CIPC: variants seen among roughly 807,000 people sequenced by gnomAD.
The protein encoded by CIPC is CLOCK interacting pacemaker, also known as CLOCK-interacting pacemaker.
A neutral mutation model predicts 26.7 loss-of-function variants in CIPC; 12 were observed. The observed-to-expected ratio is 0.45, with a 90% CI of 0.29 to 0.73. CIPC has a LOEUF of 0.73. CIPC is among the 30% of genes least tolerant of loss of function. The pLI, the probability that CIPC is intolerant of heterozygous loss-of-function variation, is 0.12. For synonymous variants in CIPC, 170 were observed against 189.8 expected, an observed-to-expected ratio of 0.90 and a Z score of 0.86; for missense variants, 417 against 486.5, an observed-to-expected ratio of 0.86 and a Z score of 1.34.
At chr14:77,103,086 G>A (rs989657647) in intron 1 of CIPC, among the ~76,000 whole-genome samples, 1 of 152,224 alleles carries the variant, frequency 6.6e-6, no homozygotes, top group African/African-American at 2.4e-5. Context: ...GTGGAAGAGT[G>A]CTTGATTTGA....
chr14:77,112,745 C>T (rs1472486531), intron 3 of CIPC, among the ~76,000 whole-genome samples: 1 of 151,080 alleles, frequency 6.6e-6, no homozygotes, highest in Non-Finnish European at 1.5e-5. Context: ...AAGTCTTGCT[C>T]TGTCACTCAG....
chr14:77,107,632 A>C (rs969596943), intron 2 of CIPC, among the ~76,000 whole-genome samples: 1 of 37,844 alleles, frequency 2.6e-5, no homozygotes, highest in Admixed American at 5.0e-4. Flanking sequence ...CTCTTTACAC[A>C]CACACACACA....
rs1203220392 is a variant in CIPC at position 77,114,586 on chromosome 14, A to T, written c.*268A>T. On this transcript the variant is annotated 3_prime_UTR_variant, in exon 4 of 4. Transcript: ENST00000361786. ...TAGCCTGCAGGTGCTTCAATGGATC[A>T]TGGGGCAAAGCAGGAGATGATTGTG... 5.0e-6 allele frequency: 2 copies of T among 398,686 alleles called. No homozygotes were observed. The highest frequency in any genetic ancestry group is 4.1e-5 in the Admixed American group (1 of 24,586). 24.7% of individuals were successfully genotyped at this position (398,686 alleles called of 1,614,324 possible).
chr14:77,107,529 C>T (rs1422890728), intron 2 of CIPC, among the ~76,000 whole-genome samples: 2 of 152,092 alleles, frequency 1.3e-5, no homozygotes, highest in South Asian at 2.1e-4. Flanking sequence ...TTAATTACCA[C>T]ATTTGTAGTT....
chr14:77,113,410 C>G lies in CIPC; in HGVS notation c.307-15C>G. The G allele has an allele frequency of 6.2e-7, 1 of 1,613,740 alleles. No homozygotes were observed. Among genetic ancestry groups the G allele is most frequent in the Non-Finnish European group, 8.5e-7 (1 of 1,179,950 alleles). ...CAGTAATGAGTAGTGTGCTGCTCTC[C>G]TCCTTTGTCTTCAGGGCAGCAGCTC... is the stretch of plus-strand genomic sequence containing the variant. On this transcript the variant is annotated splice_polypyrimidine_tract_variant and intron_variant, in intron 3 of 3. Coordinates refer to ENST00000361786, the MANE Select transcript of CIPC (RefSeq NM_033426.3).
intron 1 of CIPC, chr14:77,099,248 A>T (rs1886426343): frequency 6.6e-6 from 1 of 152,302 alleles, no homozygotes; most frequent in African/African-American, 2.4e-5. Flanking sequence ...AGGGGATCGG[A>T]GAAAGTTCTC....
Position 77,114,171 on chromosome 14 carries a change from C to T in CIPC, c.1053C>T (p.Asp351=), listed in dbSNP as rs1031302627. Residue 351 remains aspartate (D), a synonymous_variant, in exon 4 of 4, where the codon GAC becomes GAT. Coordinates refer to ENST00000361786, the MANE Select transcript of CIPC (RefSeq NM_033426.3). ...ATCAGGCAACTCAGGTAGAACTAGA[C>T]CAGCTAAAGGAGCAAACCCAGCTGT... ...RQNQATQVEL[D]QLKEQTQLFI... is the part of the protein sequence containing the mutation. The T allele has an allele frequency of 6.2e-7, 1 of 1,614,020 alleles. No individual in the cohort carries two copies. Among genetic ancestry groups the T allele is most frequent in the Admixed American group, 1.7e-5 (1 of 60,004 alleles).
rs555049619 is a variant in CIPC at position 77,106,804 on chromosome 14, G to A, written c.136+960G>A. On this transcript the variant is annotated intron_variant, in intron 2 of 3. Transcript: ENST00000361786. ...TGAAAAGGCAAATTATAAATAGACC[G>A]TTGCTCAAAGAGGAACAGAGCGCCA... Among the ~76,000 whole-genome samples, 6 of 152,280 alleles carry A rather than the reference G, an allele frequency of 3.9e-5. No homozygotes were observed. In the South Asian group the frequency reaches 6.2e-4, roughly 16 times the overall value.
chr14:77,101,812 A>G (rs972680199), intron 1 of CIPC, among the ~76,000 whole-genome samples: 4 of 152,160 alleles, frequency 2.6e-5, no homozygotes, highest in Non-Finnish European at 4.4e-5. Context: ...CTGGCTGGGC[A>G]TGGTGGCTTA....
chr14:77,105,979 GT>G, intron 2 of CIPC, 135 bp downstream of exon 2: 1 of 1,005,502 alleles, frequency 9.9e-7, no homozygotes, highest in Non-Finnish European at 1.4e-6. Flanking sequence ...CTTTAAAATG[GT>G]AATTCTGATG....
In CIPC at chr14:77,114,081, A is replaced by G. The variant is rs143641412; in HGVS notation, c.963A>G (p.Leu321=). Residue 321 remains leucine, a synonymous_variant, in exon 4 of 4, where the codon CTA becomes CTG. Coordinates refer to ENST00000361786, the MANE Select transcript of CIPC (RefSeq NM_033426.3). ...QSKHRRFQNT[L]VVLHKSGLLE... ...AACATAGGCGCTTTCAGAATACCCTAGTAGTCCTACATAAATCTGGTTTGC... is the reference window on the plus strand; with the variant it reads ...AACATAGGCGCTTTCAGAATACCCTGGTAGTCCTACATAAATCTGGTTTGC... 6 of 1,614,058 alleles carry G rather than the reference A, an allele frequency of 3.7e-6. No homozygotes were observed. In the African/African-American group the frequency reaches 6.7e-5, roughly 18 times the overall value.
In CIPC at chr14:77,114,013, C is replaced by T; in HGVS notation, c.895C>T (p.Leu299Phe). 1.9e-6 allele frequency: 3 copies of T among 1,614,260 alleles called. No individual in the cohort carries two copies. Among genetic ancestry groups the T allele is most frequent in the Non-Finnish European group, 2.5e-6 (3 of 1,180,044 alleles). The change falls in exon 4 of 4, where the codon CTC becomes TTC. Residue 299 changes from leucine (L) to phenylalanine (F), a missense_variant. Physicochemically the swap from Leu to Phe is conservative, Grantham distance 22. Transcript: ENST00000361786. ...YSSPLWAAEH[L>F]CRSPDIFSEQ... ...CTCACCTTTATGGGCTGCAGAGCAC[C>T]TCTGCCGCAGCCCAGATATCTTTTC...
Position 77,113,249 on chromosome 14 carries a change from A to G in CIPC, c.307-176A>G, listed in dbSNP as rs1005366415. 3.4e-5 allele frequency: 24 copies of G among 708,120 alleles called. 1 individual carries two copies. The East Asian group carries it at 6.5e-4, about 19-fold the overall frequency. 43.9% of individuals were successfully genotyped at this position (708,120 alleles called of 1,614,324 possible). A position where few individuals can be genotyped will look rare whatever the true frequency, so the allele number is the denominator to read the frequency against. On this transcript the variant is annotated intron_variant, in intron 3 of 3. Transcript: ENST00000361786. Reference sequence around the variant, plus strand: ...TCCAGTTTTCCCTTAGAAAAAGTTTAAAAAGTATTTGTGATATCAGACACA... The same window carrying G: ...TCCAGTTTTCCCTTAGAAAAAGTTTGAAAAGTATTTGTGATATCAGACACA...
chr14:77,108,923 T>C (rs1886643444), intron 2 of CIPC, among the ~76,000 whole-genome samples: 1 of 152,202 alleles, frequency 6.6e-6, no homozygotes, highest in Non-Finnish European at 1.5e-5. Context: ...TTGTGTCTCG[T>C]TGACATGTCT....
At chr14:77,110,779 T>C (rs1291262347) in intron 3 of CIPC, among the ~76,000 whole-genome samples, 4 of 152,234 alleles carry the variant, frequency 2.6e-5, no homozygotes, top group African/African-American at 9.6e-5. Flanking sequence ...ATATCAGTTT[T>C]CATATGGGTC....
At chr14:77,101,922 C>T (rs772743677) in intron 1 of CIPC, among the ~76,000 whole-genome samples, 3 of 151,986 alleles carry the variant, frequency 2.0e-5, no homozygotes, top group Non-Finnish European at 4.4e-5. Flanking sequence ...CCAGTCTCTA[C>T]AAAAAATTTA....
intron 3 of CIPC, among the ~76,000 whole-genome samples, chr14:77,111,799 G>A (rs1226404975): frequency 6.6e-6 from 1 of 152,182 alleles, no homozygotes; most frequent in Admixed American, 6.5e-5. Context: ...GTAAAATCAT[G>A]GGAAAACAAT....
rs1265697587 is a variant in CIPC at position 77,098,281 on chromosome 14, T to C, written c.-133T>C. 6.6e-6 allele frequency: 1 copy of C among 152,504 alleles called. No homozygotes were observed. Among genetic ancestry groups the C allele is most frequent in the Non-Finnish European group, 1.5e-5 (1 of 68,024 alleles). 9.4% of individuals were successfully genotyped at this position (152,504 alleles called of 1,614,324 possible). ...GCGAGACACCCAGCGACGACGAGGT[T>C]GTCATGGTGCCGCGGGGCCGTGCTC... On this transcript the variant is annotated 5_prime_UTR_variant, in exon 1 of 4. Transcript: ENST00000361786.
intron 2 of CIPC, among the ~76,000 whole-genome samples, chr14:77,109,380 G>T (rs1186466908): frequency 7.2e-5 from 11 of 152,000 alleles, no homozygotes; most frequent in Admixed American, 7.2e-4. Context: ...TTTTTTAATT[G>T]TAATTACATC....
Sources: allele counts gnomAD v4.1 joint callset (sites outside exome capture counted in the v4.1 genomes callset), GRCh38; gene constraint gnomAD v4.1.1; transcripts MANE v1.5; gene names NCBI Gene and HGNC (gene_info 2026-07-23, HGNC 2026-07-21).